The following SLC28A1 variants were observed in gnomAD, a reference collection of about 807,000 sequenced individuals.
SLC28A1 encodes the protein solute carrier family 28 member 1, also known as sodium/nucleoside cotransporter 1.
Under a neutral mutation model 74.8 loss-of-function variants are expected in SLC28A1, and 64 were observed. The ratio of observed to expected loss-of-function variants is 0.86; its 90% CI spans 0.70 to 1.05. The LOEUF (loss-of-function observed/expected upper bound fraction) is 1.05. Among genes scored for constraint, SLC28A1 ranks in the 50% least tolerant of loss-of-function variants. The probability of loss-of-function intolerance (pLI) is 0.00; values close to 1 mark genes in which losing one functional copy is unlikely to be tolerated. For synonymous variants in SLC28A1, 359 were observed against 335.0 expected, an observed-to-expected ratio of 1.07 and a Z score of -0.78; for missense variants, 828 against 822.8, an observed-to-expected ratio of 1.01 and a Z score of -0.08.
chr15:84,928,594 CTT>C lies in SLC28A1; in HGVS notation c.1083+4486_1083+4487del, dbSNP rs1299686394. Among the ~76,000 whole-genome samples, 29 of 16,516 alleles carry C rather than the reference CTT, an allele frequency of 1.8e-3. 1 individual carries two copies. The highest frequency in any genetic ancestry group is 4.5e-3 in the Admixed American group (9 of 2,022). 10.8% of individuals were successfully genotyped at this position (16,516 alleles called of 152,430 possible). On this transcript the variant is annotated intron_variant, in intron 12 of 18. Coordinates refer to ENST00000394573, the MANE Select transcript of SLC28A1 (RefSeq NM_004213.5). ...TCTTTCTTTCTTTCTTTCTTTCTTT[CTT>C]TCTTTCTTTTCTTTCTTTCTTTTCT...
At position 84,924,031 on chromosome 15, in the gene SLC28A1, T is replaced by A. The variant is rs1474180045; in HGVS notation, c.1004T>A (p.Leu335His). ...CGGCCCTACTTGGCAGACATGACAC[T>A]CTCTGAAGTCCACGTTGTCATGACC... is the stretch of plus-strand genomic sequence containing the variant. ...LIRPYLADMT[L>H]SEVHVVMTGG... Residue 335 changes from leucine (L) to histidine (H), a missense_variant, in exon 12 of 19, where the codon CTC (leucine) becomes CAC (histidine). Physicochemically the swap from Leu to His is moderately conservative, Grantham distance 99. Coordinates refer to ENST00000394573, the MANE Select transcript of SLC28A1 (RefSeq NM_004213.5). The A allele has an allele frequency of 2.5e-6, 4 of 1,613,938 alleles. No individual in the cohort carries two copies. Among genetic ancestry groups the A allele is most frequent in the Non-Finnish European group, 3.4e-6 (4 of 1,179,970 alleles).
chr15:84,944,984 A>G (rs553415335), intron 18 of SLC28A1, 117 bp downstream of exon 18: 1 of 1,058,364 alleles, frequency 9.4e-7, no homozygotes, highest in African/African-American at 1.6e-5. Context: ...GGCTGCAGCT[A>G]ATGGGGAGGT....
chr15:84,904,917 C>T (rs1966881612), intron 7 of SLC28A1, among the ~76,000 whole-genome samples: 1 of 152,254 alleles, frequency 6.6e-6, no homozygotes, highest in Admixed American at 6.5e-5. Context: ...AAGATCCCTC[C>T]CTGTTTCACA....
chr15:84,899,997 A>AAGGCAGGC lies in SLC28A1; in HGVS notation c.462-4082_462-4075dup, dbSNP rs58660486. 2.1e-3 allele frequency among the ~76,000 whole-genome samples: 318 copies of AAGGCAGGC among 148,816 alleles called. 1 individual carries two copies. The highest frequency in any genetic ancestry group is 3.0e-3 in the Non-Finnish European group (199 of 67,388). On this transcript the variant is annotated intron_variant, in intron 6 of 18. Coordinates refer to ENST00000394573, the MANE Select transcript of SLC28A1 (RefSeq NM_004213.5). ...GAAGGAAGGAAGGAAGGAAAAGAAA[A>AAGGCAGGC]AGGCAGGCAGGCAGGCAGGCAGGCA...
In SLC28A1 at chr15:84,933,132, C is replaced by G; in HGVS notation, c.1084-13C>G. The G allele has an allele frequency of 6.2e-7, 1 of 1,612,702 alleles. No individual in the cohort carries two copies. On this transcript the variant is annotated splice_polypyrimidine_tract_variant and intron_variant, in intron 12 of 18. Coordinates refer to ENST00000394573, the MANE Select transcript of SLC28A1 (RefSeq NM_004213.5). ...TGACTGTCCACCTAGAACCTGCACT[C>G]TCACTCTTGCAGATCGATGCCACCT... is the stretch of plus-strand genomic sequence containing the variant.
intron 9 of SLC28A1, among the ~76,000 whole-genome samples, chr15:84,909,687 T>C (rs574508384): frequency 1.3e-5 from 2 of 152,328 alleles, no homozygotes; most frequent in African/African-American, 4.8e-5. Context: ...TGCTCTAGGC[T>C]TAAGCTCCCT....
the SLC28A1 span, among the ~76,000 whole-genome samples, chr15:84,957,971 T>G: frequency 6.6e-6 from 1 of 152,252 alleles, no homozygotes; most frequent in Non-Finnish European, 1.5e-5. Flanking sequence ...TCCGTTTGCT[T>G]AGATCTTCTT....
chr15:84,905,443 T>C, intron 7 of SLC28A1, 96 bp from the exon 8 acceptor site: 1 of 834,266 alleles, frequency 1.2e-6, no homozygotes. Context: ...AGCCCCATCC[T>C]CTGGGCAGGG....
rs1399398261 is a variant in SLC28A1, at chr15:84,888,869, T to C, written c.185+9T>C. The C allele has an allele frequency of 1.3e-6, 2 of 1,544,004 alleles. No homozygotes were observed. Among genetic ancestry groups the C allele is most frequent in the East Asian group, 4.9e-5 (2 of 40,898 alleles). The stretch of plus-strand genomic sequence containing the variant: ...AAGCCCTTCTCCAGATGGTAGGTGA[T>C]CTCTGGAGAGACAAGGGCGGGCCTG... On this transcript the variant is annotated intron_variant, in intron 4 of 18. Transcript: ENST00000394573.
At chr15:84,944,442 T>G (rs1973074830) in intron 16 of SLC28A1, 124 bp from the exon 17 acceptor site, 4 of 737,514 alleles carry the variant, frequency 5.4e-6, no homozygotes, top group Non-Finnish European at 9.8e-6. Context: ...GAGGACAACA[T>G]CTGTCCCTCT....
chr15:84,951,092 T>C, the SLC28A1 span, among the ~76,000 whole-genome samples: 1 of 152,030 alleles, frequency 6.6e-6, no homozygotes, highest in African/African-American at 2.4e-5. Flanking sequence ...GGAATGCAGA[T>C]GGGAAGGTGA....
chr15:84,975,359 C>A, the SLC28A1 span: 1 of 379,292 alleles, frequency 2.6e-6, no homozygotes, highest in South Asian at 2.0e-5. Context: ...CCAGCCCCAA[C>A]ATCTGCGTTC....
intron 8 of SLC28A1, among the ~76,000 whole-genome samples, chr15:84,907,548 C>G (rs562551264): frequency 3.3e-5 from 5 of 152,206 alleles, no homozygotes; most frequent in Middle Eastern, 3.4e-3. Flanking sequence ...TTCCATCACT[C>G]AGGCTGGAGT....
intron 6 of SLC28A1, chr15:84,895,751 C>G: frequency 8.4e-7 from 1 of 1,187,926 alleles, no homozygotes; most frequent in South Asian, 2.4e-5. Context: ...AAAGAAAATT[C>G]GCTGGGGGAA....
intron 12 of SLC28A1, among the ~76,000 whole-genome samples, chr15:84,932,231 G>A (rs1406148777): frequency 6.6e-6 from 1 of 152,070 alleles, no homozygotes; most frequent in Non-Finnish European, 1.5e-5. Context: ...GCCTGACGAC[G>A]CTTAGCCGGT....
At chr15:84,921,275 T>C (rs1969802219) in intron 11 of SLC28A1, among the ~76,000 whole-genome samples, 1 of 152,148 alleles carries the variant, frequency 6.6e-6, no homozygotes. Context: ...CTGGCTTCTC[T>C]TACCACTCTA....
intron 6 of SLC28A1, among the ~76,000 whole-genome samples, chr15:84,902,770 C>T (rs1966811466): frequency 6.6e-6 from 1 of 150,690 alleles, no homozygotes; most frequent in African/African-American, 2.4e-5. Context: ...TGCTCTGTCA[C>T]CCAGGCTGGA....
At chr15:84,948,115 TG>T (rs1039464935), downstream of SLC28A1, among the ~76,000 whole-genome samples, 10 of 152,172 alleles carry the variant, frequency 6.6e-5, no homozygotes, top group Admixed American at 1.3e-4. Flanking sequence ...AGTTGACTAA[TG>T]GGCTACATTG....
At chr15:84,903,744 C>T (rs556331571) in intron 6 of SLC28A1, among the ~76,000 whole-genome samples, 9 of 152,310 alleles carry the variant, frequency 5.9e-5, no homozygotes, top group Admixed American at 5.2e-4. Flanking sequence ...ATCACTGCAG[C>T]GGTGAGATTC....
Sources: allele counts gnomAD v4.1 joint callset (sites outside exome capture counted in the v4.1 genomes callset), GRCh38; gene constraint gnomAD v4.1.1; transcripts MANE v1.5; gene names NCBI Gene and HGNC (gene_info 2026-07-23, HGNC 2026-07-21).